HPCAL1: variants seen among roughly 807,000 people sequenced by gnomAD.
HPCAL1 encodes hippocalcin-like protein 1.
Under a neutral mutation model 17.1 loss-of-function variants are expected in HPCAL1, and 8 were observed. The observed-to-expected ratio is 0.47, with a 90% CI of 0.27 to 0.84. HPCAL1 has a LOEUF of 0.84. Ranked by LOEUF, HPCAL1 falls within the 40% of genes least tolerant of loss-of-function variation. The pLI is 0.13. For synonymous variants in HPCAL1, 112 were observed against 111.4 expected (o/e 1.01, Z -0.03); for missense variants, 165 against 271.1 (o/e 0.61, Z 2.75).
At chr2:10,360,826 C>T (rs2125487371) in intron 1 of HPCAL1, among the ~76,000 whole-genome samples, 1 of 151,978 alleles carries the variant, frequency 6.6e-6, no homozygotes, top group East Asian at 1.9e-4. Context: ...CTGGGACTCT[C>T]TTCTCCTCTC....
In HPCAL1 at chr2:10,422,969, G is replaced by A; in HGVS notation, c.379-14G>A. The A allele has an allele frequency of 6.3e-7, 1 of 1,592,930 alleles. No homozygotes were observed. Among genetic ancestry groups the A allele is most frequent in the Non-Finnish European group, 8.6e-7 (1 of 1,161,772 alleles). ...CCGGGCCTCTGAGCACAGTGTCATT[G>A]CCCCCATCCGCAGGCCATCTACAAG... is the stretch of plus-strand genomic sequence containing the variant. On this transcript the variant is annotated splice_polypyrimidine_tract_variant and intron_variant, in intron 3 of 4. Transcript: ENST00000307845.
At chr2:10,319,921 C>A (rs1663565298) in intron 1 of HPCAL1, among the ~76,000 whole-genome samples, 1 of 151,962 alleles carries the variant, frequency 6.6e-6, no homozygotes. Context: ...AGGTCTGGGT[C>A]TTGAACTAAG....
intron 1 of HPCAL1, among the ~76,000 whole-genome samples, chr2:10,346,335 AG>A (rs1037620212): frequency 5.3e-5 from 8 of 152,000 alleles, no homozygotes; most frequent in African/African-American, 1.9e-4. Flanking sequence ...CAGAATTGGG[AG>A]GGGATGGAAT....
rs7598104 is a variant in HPCAL1 at position 10,323,134 on chromosome 2, A to G, written c.-111+19957A>G. Among the ~76,000 whole-genome samples the G allele has an allele frequency of 0.2, 30,902 of 152,118 alleles. 4,494 individuals are homozygous for G. Among genetic ancestry groups the G allele is most frequent in the African/African-American group, 0.42 (17,357 of 41,442 alleles). ...CCACCACCACTGGCCGCTTCATGGC[A>G]TGTTTCCAGCACAACTCTCTGACCT... On this transcript the variant is annotated intron_variant, in intron 1 of 4. Transcript: ENST00000307845. This position sits in a 1 kb window ranked among gnomAD's most constrained non-coding sequence, Gnocchi z 4.6.
Position 10,426,992 on chromosome 2 carries a change from A to G in HPCAL1, c.*171A>G. 1.6e-6 allele frequency: 1 copy of G among 613,228 alleles called. No individual in the cohort carries two copies. The highest frequency in any genetic ancestry group is 2.9e-6 in the Non-Finnish European group (1 of 341,648). 38.0% of individuals were successfully genotyped at this position (613,228 alleles called of 1,614,324 possible). A position where few individuals can be genotyped will look rare whatever the true frequency, so the allele number is the denominator to read the frequency against. On this transcript the variant is annotated 3_prime_UTR_variant, in exon 5 of 5. Coordinates refer to ENST00000307845, the MANE Select transcript of HPCAL1 (RefSeq NM_002149.4). Reference sequence around the variant, plus strand: ...TGCGCCTCCCTCCTCCACCTGACCAACGCGACATTCCTCCCCTCACGCCTG... The same window carrying G: ...TGCGCCTCCCTCCTCCACCTGACCAGCGCGACATTCCTCCCCTCACGCCTG...
At chr2:10,329,744 C>T (rs952352683) in intron 1 of HPCAL1, among the ~76,000 whole-genome samples, 2 of 152,224 alleles carry the variant, frequency 1.3e-5, no homozygotes, top group African/African-American at 4.8e-5. Flanking sequence ...CCCAGCCCTG[C>T]CCAGGCCCAG....
At chr2:10,357,316 T>C (rs1666219589) in intron 1 of HPCAL1, among the ~76,000 whole-genome samples, 1 of 152,202 alleles carries the variant, frequency 6.6e-6, no homozygotes, top group Admixed American at 6.5e-5. Flanking sequence ...GGTTGTCAGC[T>C]CTCTCAGGTT....
chr2:10,324,282 T>C (rs1291976002), intron 1 of HPCAL1: 1 of 152,238 alleles, frequency 6.6e-6, no homozygotes, highest in African/African-American at 2.4e-5. Context: ...AACAGCTCTA[T>C]TGTGTAAGTG....
intron 1 of HPCAL1, among the ~76,000 whole-genome samples, chr2:10,326,741 G>T (rs1664042922): frequency 6.6e-6 from 1 of 152,234 alleles, no homozygotes; most frequent in Non-Finnish European, 1.5e-5. Context: ...TGAGCACAGG[G>T]TGTGGGTGTG....
Position 10,332,777 on chromosome 2 carries a change from C to G in HPCAL1, c.-111+29600C>G, listed in dbSNP as rs563593057. Among the ~76,000 whole-genome samples, 4 of 151,468 alleles carry G rather than the reference C, an allele frequency of 2.6e-5. No homozygotes were observed. In the South Asian group the frequency reaches 8.4e-4, roughly 32 times the overall value. Reference sequence around the variant, plus strand: ...CAGGTAGGGGGATTCTTGCCAAAGGCAGGGGGGGACTTTGATGTCAAAGGT... The same window carrying G: ...CAGGTAGGGGGATTCTTGCCAAAGGGAGGGGGGGACTTTGATGTCAAAGGT... On this transcript the variant is annotated intron_variant, in intron 1 of 4. Transcript: ENST00000307845.
In HPCAL1 at chr2:10,411,088, G is replaced by A. The variant is rs115916753; in HGVS notation, c.-24-8646G>A. On this transcript the variant is annotated intron_variant, in intron 2 of 4. Coordinates refer to ENST00000307845, the MANE Select transcript of HPCAL1 (RefSeq NM_002149.4). ...AGTGACTGGGAGTGTGTGTGTGGCC[G>A]TCACCTTCATTTGGCATTCATGGGC... 5.3e-3 allele frequency among the ~76,000 whole-genome samples: 810 copies of A among 152,278 alleles called. 8 individuals carry two copies. The highest frequency in any genetic ancestry group is 0.018 in the African/African-American group (764 of 41,550).
chr2:10,384,266 G>C lies in HPCAL1; in HGVS notation c.-110-12569G>C, dbSNP rs1668164986. Among the ~76,000 whole-genome samples the C allele has an allele frequency of 6.6e-6, 1 of 152,162 alleles. No homozygotes were observed. Among genetic ancestry groups the C allele is most frequent in the Admixed American group, 6.5e-5 (1 of 15,276 alleles). On this transcript the variant is annotated intron_variant, in intron 1 of 4. Coordinates refer to ENST00000307845, the MANE Select transcript of HPCAL1 (RefSeq NM_002149.4). This position sits in a 1 kb window ranked among gnomAD's most constrained non-coding sequence, Gnocchi z 4.4. ...CAGATGAGCTGCTTCCCCTCACTAGGAGTGGATGGGGCTGCCAGTGGTGTT... is the reference window on the plus strand; with the variant it reads ...CAGATGAGCTGCTTCCCCTCACTAGCAGTGGATGGGGCTGCCAGTGGTGTT...
At chr2:10,351,418 A>C (rs573673063) in intron 1 of HPCAL1, among the ~76,000 whole-genome samples, 1 of 152,172 alleles carries the variant, frequency 6.6e-6, no homozygotes, top group Admixed American at 6.5e-5. Context: ...GCTGAGGGGA[A>C]ATGGGGAGTG....
chr2:10,333,737 C>T (rs1664534386), intron 1 of HPCAL1, among the ~76,000 whole-genome samples: 1 of 152,210 alleles, frequency 6.6e-6, no homozygotes, highest in Non-Finnish European at 1.5e-5. Flanking sequence ...CCCATAACTA[C>T]CCTGCCCACC....
chr2:10,328,894 C>A (rs879710319), intron 1 of HPCAL1, among the ~76,000 whole-genome samples: 1 of 152,000 alleles, frequency 6.6e-6, no homozygotes, highest in Non-Finnish European at 1.5e-5. Flanking sequence ...GCTGACACCC[C>A]ACCCCCACTC....
At chr2:10,322,045 CAA>C (rs1663700058) in intron 1 of HPCAL1, among the ~76,000 whole-genome samples, 1 of 152,000 alleles carries the variant, frequency 6.6e-6, no homozygotes, top group Non-Finnish European at 1.5e-5. Context: ...TTTTTAGAGA[CAA>C]GGTCTTGCTC....
rs376992012 is a variant in HPCAL1, at chr2:10,366,637, A to G, written c.-110-30198A>G. 8.5e-4 allele frequency among the ~76,000 whole-genome samples: 129 copies of G among 152,180 alleles called. 3 individuals are homozygous for G. The South Asian group carries it at 0.017, about 20-fold the overall frequency. ...TGGCATCAGGAGACTCACCCATACC[A>G]AGCTCACAGTGCTGGCCATGATCCG... is the stretch of plus-strand genomic sequence containing the variant. On this transcript the variant is annotated intron_variant, in intron 1 of 4. Transcript: ENST00000307845.
At chr2:10,325,285 A>C (rs1433294283) in intron 1 of HPCAL1, among the ~76,000 whole-genome samples, 2 of 152,048 alleles carry the variant, frequency 1.3e-5, no homozygotes, top group Non-Finnish European at 2.9e-5. Context: ...CCGACATCGT[A>C]ATTACATTTT....
At chr2:10,379,118 A>G (rs1288987903) in intron 1 of HPCAL1, among the ~76,000 whole-genome samples, 1 of 152,102 alleles carries the variant, frequency 6.6e-6, no homozygotes, top group Non-Finnish European at 1.5e-5. Context: ...ACTTGAGGTC[A>G]GGAGTTCGAG....
Sources: allele counts gnomAD v4.1 joint callset (sites outside exome capture counted in the v4.1 genomes callset), GRCh38; gene constraint gnomAD v4.1.1; non-coding constraint Gnocchi (gnomAD v3.1); transcripts MANE v1.5; gene names NCBI Gene and HGNC (gene_info 2026-07-23, HGNC 2026-07-21).